ANP32A: variants seen among roughly 807,000 people sequenced by gnomAD.
ANP32A encodes acidic leucine-rich nuclear phosphoprotein 32 family member A.
A neutral mutation model predicts 33.9 loss-of-function variants in ANP32A; 1 was observed. The ratio of observed to expected loss-of-function variants is 0.03; its 90% CI spans 0.01 to 0.14. The LOEUF (loss-of-function observed/expected upper bound fraction) is 0.14. Among genes scored for constraint, ANP32A ranks in the 10% least tolerant of loss-of-function variants. ANP32A has a pLI of 1.00. For synonymous variants in ANP32A, 115 were observed against 120.5 expected (o/e 0.95, Z 0.30); for missense variants, 155 against 306.0 (o/e 0.51, Z 3.68).
At chr15:68,793,845 G>A (rs569368601) in intron 1 of ANP32A, among the ~76,000 whole-genome samples, 1 of 152,336 alleles carries the variant, frequency 6.6e-6, no homozygotes, top group Non-Finnish European at 1.5e-5. Flanking sequence ...CGGGTCACAT[G>A]CCTGTGAAGC....
intron 1 of ANP32A, among the ~76,000 whole-genome samples, chr15:68,797,929 G>A (rs141908363): frequency 1.3e-5 from 2 of 152,252 alleles, no homozygotes; most frequent in South Asian, 4.1e-4. Context: ...ACAGGCTAGG[G>A]GAGGGGTGGG....
intron 1 of ANP32A, among the ~76,000 whole-genome samples, chr15:68,796,285 T>C (rs578151247): frequency 1.3e-5 from 2 of 152,280 alleles, no homozygotes; most frequent in African/African-American, 4.8e-5. Flanking sequence ...TTCACCATGT[T>C]GGTCAGGCTG....
intron 1 of ANP32A, among the ~76,000 whole-genome samples, chr15:68,795,682 G>A (rs1161505072): frequency 6.6e-6 from 1 of 152,250 alleles, no homozygotes; most frequent in African/African-American, 2.4e-5. Flanking sequence ...TCCGCAGGCT[G>A]GGGTGGCTGC....
At chr15:68,801,103 T>C (rs1173789037) in intron 1 of ANP32A, among the ~76,000 whole-genome samples, 2 of 151,148 alleles carry the variant, frequency 1.3e-5, no homozygotes, top group Non-Finnish European at 2.9e-5. Flanking sequence ...GGTAGGATAG[T>C]GGGTTTCACA....
chr15:68,785,313 A>G (rs537516615), intron 3 of ANP32A, among the ~76,000 whole-genome samples: 2 of 152,340 alleles, frequency 1.3e-5, no homozygotes, highest in South Asian at 4.1e-4. Context: ...GTTCTAGCCA[A>G]TGTTATCCCT....
intron 1 of ANP32A, among the ~76,000 whole-genome samples, chr15:68,818,562 C>T (rs1596078292): frequency 1.3e-5 from 2 of 151,964 alleles, no homozygotes; most frequent in Admixed American, 6.5e-5. Context: ...GGCTGGGAGG[C>T]GAGGGGGCGA....
intron 1 of ANP32A, among the ~76,000 whole-genome samples, chr15:68,794,287 C>T (rs1213768485): frequency 3.9e-5 from 6 of 152,292 alleles, no homozygotes; most frequent in South Asian, 2.1e-4. Context: ...ATAGTAAATA[C>T]GAGGCCTCTT....
chr15:68,780,406 A>AT lies in ANP32A; in HGVS notation c.688+3dup, dbSNP rs774917283. On this transcript the variant is annotated splice_donor_region_variant and intron_variant, in intron 6 of 6. Transcript: ENST00000465139. The surrounding 1 kb of genome is among the most constrained non-coding windows in gnomAD (Gnocchi z 4.3). ...ACCAGCTGAGAGTAAAAAGGCTGCC[A>AT]TACCACCAAGCTCTTCTTCATCTTC... 1.1e-5 allele frequency: 17 copies of AT among 1,613,926 alleles called. No individual in the cohort carries two copies. Among genetic ancestry groups the AT allele is most frequent in the Non-Finnish European group, 1.4e-5 (17 of 1,179,918 alleles).
chr15:68,803,798 CTTTTTTTTT>C (rs3985625), intron 1 of ANP32A, among the ~76,000 whole-genome samples: 2 of 101,152 alleles, frequency 2.0e-5, no homozygotes, highest in East Asian at 2.7e-4. Context: ...ATTTCACAAA[CTTTTTTTTT>C]TTTTTTTTTT....
rs772717961 is a variant in ANP32A at position 68,778,832 on chromosome 15, C to T, written c.*1249G>A. The T allele has an allele frequency of 2.0e-5, 3 of 152,126 alleles. No individual in the cohort carries two copies. Among genetic ancestry groups the T allele is most frequent in the Admixed American group, 6.5e-5 (1 of 15,274 alleles). 9.4% of individuals were successfully genotyped at this position (152,126 alleles called of 1,614,324 possible). The stretch of plus-strand genomic sequence containing the variant: ...TAACAAAAATGAAGCTTCCCCCTCA[C>T]CTAGCAGTTCATCTGGAATGCATCT... On this transcript the variant is annotated 3_prime_UTR_variant, in exon 7 of 7. Coordinates refer to ENST00000465139, the MANE Select transcript of ANP32A (RefSeq NM_006305.4).
intron 3 of ANP32A, chr15:68,787,045 A>G (rs80250021): frequency 1.4e-3 from 324 of 237,116 alleles, no homozygotes; most frequent in African/African-American, 7.2e-3. Context: ...TAATTCTTGG[A>G]TTGCTCCTCC....
chr15:68,813,190 T>C (rs1596075880), intron 1 of ANP32A, among the ~76,000 whole-genome samples: 1 of 152,116 alleles, frequency 6.6e-6, no homozygotes, highest in Non-Finnish European at 1.5e-5. Context: ...TAAAACAAAA[T>C]AAATCTGAGG....
intron 1 of ANP32A, among the ~76,000 whole-genome samples, chr15:68,805,584 T>C (rs1680266468): frequency 6.6e-6 from 1 of 152,156 alleles, no homozygotes; most frequent in South Asian, 2.1e-4. Flanking sequence ...CCTTCTTGGG[T>C]TTAATTTCAT....
chr15:68,803,888 G>A (rs746207964), intron 1 of ANP32A, among the ~76,000 whole-genome samples: 9 of 128,962 alleles, frequency 7.0e-5, no homozygotes, highest in Admixed American at 2.9e-4. Flanking sequence ...TACAACCTCC[G>A]CCTCCCAGGT....
At chr15:68,787,373 C>T in intron 3 of ANP32A, 40 bp downstream of exon 3, 3 of 1,613,794 alleles carry the variant, frequency 1.9e-6, no homozygotes, top group Non-Finnish European at 2.5e-6. Flanking sequence ...TTCCTCCCAC[C>T]TCCTACCCCT....
chr15:68,796,694 G>A (rs1454076604), intron 1 of ANP32A, among the ~76,000 whole-genome samples: 1 of 152,194 alleles, frequency 6.6e-6, no homozygotes, highest in African/African-American at 2.4e-5. Flanking sequence ...CCAAGGTGTA[G>A]TGCACAGAAT....
In ANP32A at chr15:68,786,995, G is replaced by A. The variant is rs143120835; in HGVS notation, c.327+418C>T. Among the ~76,000 whole-genome samples, 204 of 152,246 alleles carry A rather than the reference G, an allele frequency of 1.3e-3. 1 individual carries two copies. The highest frequency in any genetic ancestry group is 2.5e-3 in the Non-Finnish European group (168 of 68,022). ...CATTTCTCACAGTTCAGGGGCCAGC[G>A]ACCCAAGGAGAAAACTGGAGTCCAC... On this transcript the variant is annotated intron_variant, in intron 3 of 6. Coordinates refer to ENST00000465139, the MANE Select transcript of ANP32A (RefSeq NM_006305.4).
chr15:68,787,758 C>T lies in ANP32A; in HGVS notation c.204+12G>A, dbSNP rs1207753419. 3.1e-6 allele frequency: 5 copies of T among 1,613,776 alleles called. No individual in the cohort carries two copies. The highest frequency in any genetic ancestry group is 2.5e-6 in the Non-Finnish European group (3 of 1,179,830). ...CCCGCCTCCCAGCACACACAGACTC[C>T]ACTCTATTTACCTTCTTAAGTTTGT... On this transcript the variant is annotated intron_variant, in intron 2 of 6. Coordinates refer to ENST00000465139, the MANE Select transcript of ANP32A (RefSeq NM_006305.4).
At position 68,778,677 on chromosome 15, in the gene ANP32A, T is replaced by C. The variant is rs907764935; in HGVS notation, c.*1404A>G. 1 of 152,238 alleles carries C rather than the reference T, an allele frequency of 6.6e-6. No individual in the cohort carries two copies. The highest frequency in any genetic ancestry group is 2.4e-5 in the African/African-American group (1 of 41,466). 9.4% of individuals were successfully genotyped at this position (152,238 alleles called of 1,614,324 possible). ...TTGATTGTTTGGGTACTTGTTTTTTTAGTAACTCTGTAACTTTTTTAAAGG... is the reference window on the plus strand; with the variant it reads ...TTGATTGTTTGGGTACTTGTTTTTTCAGTAACTCTGTAACTTTTTTAAAGG... On this transcript the variant is annotated 3_prime_UTR_variant, in exon 7 of 7. Transcript: ENST00000465139.
Sources: allele counts gnomAD v4.1 joint callset (sites outside exome capture counted in the v4.1 genomes callset), GRCh38; gene constraint gnomAD v4.1.1; non-coding constraint Gnocchi (gnomAD v3.1); transcripts MANE v1.5; gene names NCBI Gene and HGNC (gene_info 2026-07-23, HGNC 2026-07-21).